OPLAH: variants seen among roughly 807,000 people sequenced by gnomAD.
The protein encoded by OPLAH is 5-oxoprolinase.
Under a neutral mutation model 122.8 loss-of-function variants are expected in OPLAH, and 103 were observed. That is an observed-to-expected ratio of 0.84 (90% CI 0.71 to 0.99). The LOEUF is 0.99. Ranked by LOEUF, OPLAH falls within the 50% of genes least tolerant of loss-of-function variation. The pLI, the probability that OPLAH is intolerant of heterozygous loss-of-function variation, is 0.00. For synonymous variants in OPLAH, 875 were observed against 796.0 expected (o/e 1.10, Z -1.67); for missense variants, 1,902 against 1,836.5 (o/e 1.04, Z -0.65).
chr8:144,051,495 G>T (rs782594266), intron 26 of OPLAH, 23 bp from the exon 27 acceptor site: 3 of 1,393,248 alleles, frequency 2.2e-6, no homozygotes, highest in Non-Finnish European at 2.9e-6. Context: ...GGGGGGGCGG[G>T]GAGGCGGGCT....
At position 144,052,554 on chromosome 8, in the gene OPLAH, G is replaced by T; in HGVS notation, c.3198C>A (p.Ile1066=). 1 of 1,596,726 alleles carries T rather than the reference G, an allele frequency of 6.3e-7. No individual in the cohort carries two copies. The highest frequency in any genetic ancestry group is 8.5e-7 in the Non-Finnish European group (1 of 1,177,600). ...CCGCCGCCTCGGGCGACGGGTCCAG[G>T]ATGGAGCCTCGGGGAATGACCACGC... is the stretch of plus-strand genomic sequence containing the variant. ...PVRVVIPRGS[I]LDPSPEAAVV... is the part of the protein sequence containing the mutation. Residue 1066 remains isoleucine (I), a synonymous_variant, in exon 23 of 27, where the codon ATC becomes ATA. Transcript: ENST00000618853.
In OPLAH at chr8:144,058,219, C is replaced by A. The variant is rs1381807502; in HGVS notation, c.949+20G>T. On this transcript the variant is annotated intron_variant, in intron 7 of 26. Transcript: ENST00000618853. The stretch of plus-strand genomic sequence containing the variant: ...CCAGCAGCTGAGCCTCCCCGAGACC[C>A]CAGCCCTCGGCCCTCATACCTCCCA... 1.9e-6 allele frequency: 3 copies of A among 1,604,908 alleles called. No homozygotes were observed. The African/African-American group carries it at 4.0e-5, about 21-fold the overall frequency.
Position 144,058,114 on chromosome 8 carries a change from T to C in OPLAH, c.984A>G (p.Glu328=). 1 of 1,612,468 alleles carries C rather than the reference T, an allele frequency of 6.2e-7. No homozygotes were observed. The highest frequency in any genetic ancestry group is 8.5e-7 in the Non-Finnish European group (1 of 1,179,782). ...TSTDVSRYAG[E]FEHVFEASTA... ...TGCTGGCCTCGAAGACGTGCTCGAA[T>C]TCCCCAGCATAGCGGCTCACATCCG... The change falls in exon 8 of 27, where the codon GAA becomes GAG. Residue 328 remains glutamate, a synonymous_variant. Transcript: ENST00000618853.
At chr8:144,061,938 T>G (rs1296818962), upstream of OPLAH, among the ~76,000 whole-genome samples, 3 of 148,998 alleles carry the variant, frequency 2.0e-5, no homozygotes, top group Non-Finnish European at 4.5e-5. Flanking sequence ...GAGAATCGCT[T>G]GAACCCAGGA....
chr8:144,061,071 C>T (rs555115691), upstream of OPLAH, among the ~76,000 whole-genome samples: 1 of 152,390 alleles, frequency 6.6e-6, no homozygotes, highest in East Asian at 1.9e-4. Flanking sequence ...CCTTCTCTAC[C>T]AGCCCCAGCT....
chr8:144,062,188 G>A (rs1554761004), upstream of OPLAH, among the ~76,000 whole-genome samples: 1 of 152,050 alleles, frequency 6.6e-6, no homozygotes, highest in Non-Finnish European at 1.5e-5. Flanking sequence ...GTCTGGATTG[G>A]GACCCCTTTC....
downstream of OPLAH, chr8:144,051,244 A>T (rs1554757553): frequency 6.3e-7 from 1 of 1,581,102 alleles, no homozygotes; most frequent in African/African-American, 1.4e-5. Context: ...TGGCGCGCAC[A>T]GACACGACTC....
At chr8:144,052,364 A>G (rs1450232781) in intron 23 of OPLAH, 38 bp from the exon 24 acceptor site, 4 of 1,510,294 alleles carry the variant, frequency 2.6e-6, no homozygotes, top group Non-Finnish European at 3.5e-6. Context: ...GGGCTGGGGC[A>G]GGGCGTCCCC....
chr8:144,051,855 G>C, intron 25 of OPLAH, 29 bp from the exon 26 acceptor site: 1 of 893,302 alleles, frequency 1.1e-6, no homozygotes, highest in Admixed American at 2.6e-5. Flanking sequence ...AGTCCAGAGA[G>C]ACCAGGGGCG....
rs1251267253 is a variant in OPLAH at position 144,052,604 on chromosome 8, C to T, written c.3154-6G>A. ...CGCACTGGCGCCAGGCAGCCCTGTG[C>T]GGGGCGGGCGGCTCTCAGGAGCTCT... On this transcript the variant is annotated splice_polypyrimidine_tract_variant and splice_region_variant and intron_variant, in intron 22 of 26. Transcript: ENST00000618853. The T allele has an allele frequency of 1.3e-6, 2 of 1,586,622 alleles. No homozygotes were observed. Among genetic ancestry groups the T allele is most frequent in the Non-Finnish European group, 1.7e-6 (2 of 1,171,822 alleles).
rs1835418250 is a variant in OPLAH at position 144,052,827 on chromosome 8, G to A, written c.3092C>T (p.Thr1031Ile). 2 of 1,558,444 alleles carry A rather than the reference G, an allele frequency of 1.3e-6. No individual in the cohort carries two copies. The highest frequency in any genetic ancestry group is 1.7e-6 in the Non-Finnish European group (2 of 1,152,050). Residue 1031 changes from threonine (T) to isoleucine (I), a missense_variant, in exon 22 of 27, where the codon ACC (threonine) becomes ATC (isoleucine). Transcript: ENST00000618853. The stretch of plus-strand genomic sequence containing the variant: ...CAGGCAGTAGATGAGGGCGGACAGG[G>A]TTACGGCCCGCGGTGCGTTGAGATT... ...FGNLNAPRAV[T>I]LSALIYCLRC...
In OPLAH at chr8:144,052,735, G is replaced by T. The variant is rs1364542696; in HGVS notation, c.3153+31C>A. 1.3e-5 allele frequency: 21 copies of T among 1,558,186 alleles called. No individual in the cohort carries two copies. The East Asian group carries it at 4.6e-4, about 34-fold the overall frequency. On this transcript the variant is annotated intron_variant, in intron 22 of 26. Transcript: ENST00000618853. ...CGCACTCAGGGTGACCTCGGGCTGG[G>T]GCCCCCCCTCGCGCACACACCCCTG...
At chr8:144,051,060 G>C (rs1213034293), downstream of OPLAH, 3 of 1,312,542 alleles carry the variant, frequency 2.3e-6, no homozygotes, top group Non-Finnish European at 2.9e-6. Context: ...CGGAGTTCCC[G>C]GGTGGCTGGG....
intron 3 of OPLAH, 42 bp downstream of exon 3, chr8:144,059,557 T>G: frequency 6.4e-7 from 1 of 1,559,450 alleles, no homozygotes; most frequent in Non-Finnish European, 8.7e-7. Context: ...CCCTGGGGGG[T>G]GTACACCACA....
In OPLAH at chr8:144,058,044, C is replaced by T. The variant is rs782142931; in HGVS notation, c.1054G>A (p.Val352Met). 35 of 1,612,386 alleles carry T rather than the reference C, an allele frequency of 2.2e-5. No homozygotes were observed. The highest frequency in any genetic ancestry group is 2.8e-5 in the Non-Finnish European group (33 of 1,179,806). The change falls in exon 8 of 27, where the codon GTG (valine) becomes ATG (methionine). Residue 352 changes from valine (V) to methionine (M), a missense_variant. Around this residue, in one of 3 missense-constraint regions of OPLAH, gnomAD observed 1,726 missense variants for 1,642.1 expected, o/e 1.05. Transcript: ENST00000618853. Reference sequence around the variant, plus strand: ...AGGCGGGAACCCCCTCCCGCTGCCACGGTGTTGATGTCCAGCTGCGGGGCC... The same window carrying T: ...AGGCGGGAACCCCCTCCCGCTGCCATGGTGTTGATGTCCAGCTGCGGGGCC... ...LQAPQLDINTVAAGGGSRLFF... is the reference protein window; with the variant it reads ...LQAPQLDINTMAAGGGSRLFF...
At position 144,052,607 on chromosome 8, in the gene OPLAH, G is replaced by A; in HGVS notation, c.3154-9C>T. 6.3e-7 allele frequency: 1 copy of A among 1,587,256 alleles called. No individual in the cohort carries two copies. The highest frequency in any genetic ancestry group is 8.5e-7 in the Non-Finnish European group (1 of 1,171,964). On this transcript the variant is annotated splice_polypyrimidine_tract_variant and intron_variant, in intron 22 of 26. Transcript: ENST00000618853. ...ACTGGCGCCAGGCAGCCCTGTGCGG[G>A]GCGGGCGGCTCTCAGGAGCTCTTGG...
At position 144,051,491 on chromosome 8, in the gene OPLAH, G is replaced by C. The variant is rs782679942; in HGVS notation, c.3721-19C>G. Reference sequence around the variant, plus strand: ...ACACATCCTGTTGGCGCGGGGGGGGGCGGGGAGGCGGGCTCAGTGCAGGCG... The same window carrying C: ...ACACATCCTGTTGGCGCGGGGGGGGCCGGGGAGGCGGGCTCAGTGCAGGCG... On this transcript the variant is annotated intron_variant, in intron 26 of 26. Coordinates refer to ENST00000618853, the MANE Select transcript of OPLAH (RefSeq NM_017570.5). The C allele has an allele frequency of 1.4e-6, 2 of 1,382,248 alleles. No individual in the cohort carries two copies. Among genetic ancestry groups the C allele is most frequent in the African/African-American group, 2.2e-5 (1 of 45,390 alleles). The allele number at this position is 1,382,248 out of a possible 1,614,324, so 85.6% of individuals were successfully genotyped here.
At position 144,059,090 on chromosome 8, in the gene OPLAH, G is replaced by A; in HGVS notation, c.364-11C>T. The A allele has an allele frequency of 1.3e-6, 2 of 1,563,826 alleles. No homozygotes were observed. Among genetic ancestry groups the A allele is most frequent in the South Asian group, 1.2e-5 (1 of 85,174 alleles). ...AGGCATGGGCACGGCCTGGGGGCGG[G>A]CAGAGACTCAGAAGAGGCCCAGGCC... On this transcript the variant is annotated splice_polypyrimidine_tract_variant and intron_variant, in intron 3 of 26. Coordinates refer to ENST00000618853, the MANE Select transcript of OPLAH (RefSeq NM_017570.5).
chr8:144,054,311 C>G (rs1203373348), intron 19 of OPLAH, among the ~76,000 whole-genome samples: 1 of 152,208 alleles, frequency 6.6e-6, no homozygotes, highest in Non-Finnish European at 1.5e-5. Context: ...CACCCTGACC[C>G]TCCACGTCTT....
Sources: allele counts gnomAD v4.1 joint callset (sites outside exome capture counted in the v4.1 genomes callset), GRCh38; gene constraint gnomAD v4.1.1; regional missense constraint gnomAD v4.1.1; transcripts MANE v1.5; gene names NCBI Gene and HGNC (gene_info 2026-07-23, HGNC 2026-07-21).